The following CNBD1 variants were observed in gnomAD, a reference collection of about 807,000 sequenced individuals.
CNBD1 encodes cyclic nucleotide binding domain containing 1.
A neutral mutation model predicts 54.4 loss-of-function variants in CNBD1; 71 were observed. The observed-to-expected ratio is 1.30, with a 90% CI of 1.08 to 1.59. CNBD1 has a LOEUF of 1.59. Ranked by LOEUF, CNBD1 falls within the 40% of genes most tolerant of loss-of-function variation. CNBD1 has a pLI of 0.00. For missense variants in CNBD1, 659 were observed against 518.0 expected, an observed-to-expected ratio of 1.27 and a Z score of -2.64; for synonymous variants, 182 against 170.7, an observed-to-expected ratio of 1.07 and a Z score of -0.51.
At chr8:87,036,391 G>A (rs1286861568) in intron 4 of CNBD1, among the ~76,000 whole-genome samples, 2 of 151,994 alleles carry the variant, frequency 1.3e-5, no homozygotes, top group East Asian at 1.9e-4. Context: ...TCAGGAGATC[G>A]AGACCATCCT....
intron 4 of CNBD1, among the ~76,000 whole-genome samples, chr8:87,178,554 T>C (rs1813246517): frequency 6.6e-6 from 1 of 152,192 alleles, no homozygotes; most frequent in Non-Finnish European, 1.5e-5. Context: ...GTTTGGCCCA[T>C]TGTAAAACCT....
At chr8:87,179,035 G>A (rs964663003) in intron 4 of CNBD1, among the ~76,000 whole-genome samples, 3 of 152,118 alleles carry the variant, frequency 2.0e-5, no homozygotes. Flanking sequence ...AGCCTCCCAA[G>A]TAGCAGCTGA....
intron 10 of CNBD1, among the ~76,000 whole-genome samples, chr8:87,380,025 T>G (rs1473412557): frequency 6.6e-6 from 1 of 151,110 alleles, no homozygotes; most frequent in Non-Finnish European, 1.5e-5. Context: ...ACTTGGGAGG[T>G]TTTAGATAAT....
At chr8:87,354,773 A>G (rs1428890271) in intron 10 of CNBD1, among the ~76,000 whole-genome samples, 1 of 152,156 alleles carries the variant, frequency 6.6e-6, no homozygotes, top group Non-Finnish European at 1.5e-5. Flanking sequence ...TCCATGGTGT[A>G]TATGTGCCAC....
intron 8 of CNBD1, among the ~76,000 whole-genome samples, chr8:87,315,192 A>T (rs1441647240): frequency 1.3e-5 from 2 of 152,102 alleles, no homozygotes; most frequent in East Asian, 3.9e-4. Flanking sequence ...AAAATAGTGT[A>T]ACAAATATTT....
At position 87,269,447 on chromosome 8, in the gene CNBD1, A is replaced by G. The variant is rs187076434; in HGVS notation, c.772-15231A>G. On this transcript the variant is annotated intron_variant, in intron 6 of 10. Transcript: ENST00000518476. ...ATGAATTTTGTAATTGTTTTTTCTAATTCTGTGAAAAAATGATGTTGGTAG... is the reference window on the plus strand; with the variant it reads ...ATGAATTTTGTAATTGTTTTTTCTAGTTCTGTGAAAAAATGATGTTGGTAG... Among the ~76,000 whole-genome samples the G allele has an allele frequency of 2.7e-3, 408 of 152,214 alleles. 3 individuals carry two copies. Among genetic ancestry groups the G allele is most frequent in the African/African-American group, 9.2e-3 (383 of 41,570 alleles).
chr8:87,138,527 A>G (rs1034372302), intron 4 of CNBD1, among the ~76,000 whole-genome samples: 2 of 152,228 alleles, frequency 1.3e-5, no homozygotes, highest in Admixed American at 1.3e-4. Context: ...GCACAAACGC[A>G]GTGGTCTTTA....
intron 5 of CNBD1, among the ~76,000 whole-genome samples, chr8:87,207,009 G>T (rs906415096): frequency 1.3e-5 from 2 of 152,146 alleles, no homozygotes; most frequent in East Asian, 3.9e-4. Flanking sequence ...AAGAATATGT[G>T]TCTATTGAAA....
At chr8:86,941,935 G>C (rs984822675) in intron 4 of CNBD1, among the ~76,000 whole-genome samples, 3 of 152,296 alleles carry the variant, frequency 2.0e-5, no homozygotes, top group South Asian at 4.1e-4. Flanking sequence ...AGAAGATCCT[G>C]ATGTACTATA....
chr8:86,980,560 AG>A (rs1424699077), intron 4 of CNBD1, among the ~76,000 whole-genome samples: 1 of 152,238 alleles, frequency 6.6e-6, no homozygotes, highest in African/African-American at 2.4e-5. Context: ...TTATTCTAAT[AG>A]CTTTGAAAAT....
At chr8:86,939,804 T>C (rs777008192) in intron 4 of CNBD1, 50 bp downstream of exon 4, 4 of 1,180,912 alleles carry the variant, frequency 3.4e-6, no homozygotes, top group Admixed American at 2.8e-5. Flanking sequence ...TTCTTTTGAA[T>C]GGCTTTATTT....
chr8:87,382,488 T>A, intron 10 of CNBD1, 132 bp from the exon 11 acceptor site: 1 of 613,514 alleles, frequency 1.6e-6, no homozygotes, highest in South Asian at 2.4e-5. Flanking sequence ...TCTGACAATA[T>A]TATTTTTTTC....
chr8:86,934,630 T>A (rs1306151150), intron 3 of CNBD1, among the ~76,000 whole-genome samples: 2 of 152,212 alleles, frequency 1.3e-5, no homozygotes, highest in East Asian at 1.9e-4. Context: ...TAAATAATTT[T>A]GTCATATTAA....
intron 2 of CNBD1, among the ~76,000 whole-genome samples, chr8:86,897,350 A>T (rs887536889): frequency 6.6e-6 from 1 of 152,220 alleles, no homozygotes; most frequent in Non-Finnish European, 1.5e-5. Flanking sequence ...GATCCAAAAG[A>T]GGAGGGTGAG....
intron 8 of CNBD1, among the ~76,000 whole-genome samples, chr8:87,307,737 C>CAA (rs5893017): frequency 0.091 from 12,303 of 135,078 alleles, 967 homozygotes; most frequent in African/African-American, 0.19. Flanking sequence ...AACTCCGTCT[C>CAA]AAAAAAAAAA....
intron 4 of CNBD1, among the ~76,000 whole-genome samples, chr8:87,190,632 G>C (rs1813581454): frequency 6.6e-6 from 1 of 152,062 alleles, no homozygotes; most frequent in Non-Finnish European, 1.5e-5. Flanking sequence ...TGAAGGTAAT[G>C]ACGCTTAAGC....
In CNBD1 at chr8:87,108,880, T is replaced by C. The variant is rs562251258; in HGVS notation, c.432-97113T>C. Reference sequence around the variant, plus strand: ...TCCTTTAATCTCTTGGTCTATATTATGGCCAAACAACTCTCATGGCCTCTA... The same window carrying C: ...TCCTTTAATCTCTTGGTCTATATTACGGCCAAACAACTCTCATGGCCTCTA... On this transcript the variant is annotated intron_variant, in intron 4 of 10. Coordinates refer to ENST00000518476, the MANE Select transcript of CNBD1 (RefSeq NM_173538.3). Among the ~76,000 whole-genome samples the C allele has an allele frequency of 4.6e-5, 7 of 151,674 alleles. No homozygotes were observed. In the South Asian group the frequency reaches 6.2e-4, roughly 13 times the overall value.
intron 2 of CNBD1, among the ~76,000 whole-genome samples, chr8:87,405,417 A>G (rs1289508814): frequency 1.3e-5 from 2 of 152,126 alleles, no homozygotes; most frequent in African/African-American, 4.8e-5. Flanking sequence ...AATGCTCCTT[A>G]GAGAATAATA....
At chr8:87,423,523 A>G (rs967045037) in intron 2 of CNBD1, among the ~76,000 whole-genome samples, 5 of 151,372 alleles carry the variant, frequency 3.3e-5, no homozygotes, top group Admixed American at 2.0e-4. Context: ...TTCTGCATCT[A>G]TTGAGATAAT....
Sources: gnomAD v4.1 joint callset for allele counts (sites outside exome capture counted in the v4.1 genomes callset) on GRCh38, gnomAD v4.1.1 for gene constraint, MANE v1.5 for transcripts, NCBI Gene and HGNC (gene_info 2026-07-23, HGNC 2026-07-21) for gene names.